Variants in SF3A3 observed in about 807,000 individuals in gnomAD.
SF3A3 encodes the protein SAP 61.
A neutral mutation model predicts 85.8 loss-of-function variants in SF3A3; 9 were observed. The observed-to-expected ratio is 0.10, with a 90% confidence interval of 0.06 to 0.18. The LOEUF is 0.18. SF3A3 is among the 10% of genes least tolerant of loss of function. SF3A3 has a pLI of 1.00. For synonymous variants in SF3A3, 195 were observed against 204.4 expected (o/e 0.95, Z 0.39); for missense variants, 306 against 593.3 (o/e 0.52, Z 5.03).
intron 1 of SF3A3, 81 bp from the exon 2 acceptor site, chr1:37,989,676 G>A (rs1335492894): frequency 5.9e-6 from 9 of 1,527,006 alleles, no homozygotes; most frequent in Middle Eastern, 1.8e-4. Context: ...GAGCTTACCC[G>A]CTCAGCTTTT....
chr1:37,986,437 C>A (rs1386620039), intron 4 of SF3A3, among the ~76,000 whole-genome samples: 1 of 152,174 alleles, frequency 6.6e-6, no homozygotes, highest in Non-Finnish European at 1.5e-5. Context: ...TAAGGCAACA[C>A]CACCTGGAGT....
rs570631596 is a variant in SF3A3 at position 37,976,930 on chromosome 1, A to G, written c.959T>C (p.Ile320Thr). 2.2e-5 allele frequency: 35 copies of G among 1,609,980 alleles called. No homozygotes were observed. In the South Asian group the frequency reaches 3.3e-4, roughly 15 times the overall value. The change falls in exon 12 of 17, where the codon ATT becomes ACT. Residue 320 changes from isoleucine to threonine, a missense_variant. By Grantham distance (89) the Ile-to-Thr change is moderately conservative. This residue lies in a region of SF3A3 where 136 missense variants were observed against 296.6 expected (regional missense o/e 0.46). Transcript: ENST00000373019. ...TKRDTERNKD[I>T]AFLEAQIYEY... ...ATAGATCTGGGCTTCTAGAAAAGCAATGTCTTTGTTCCTTTCAGTGTCTCT... is the reference window on the plus strand; with the variant it reads ...ATAGATCTGGGCTTCTAGAAAAGCAGTGTCTTTGTTCCTTTCAGTGTCTCT...
intron 15 of SF3A3, among the ~76,000 whole-genome samples, chr1:37,961,591 A>C (rs976392080): frequency 2.0e-5 from 3 of 151,280 alleles, no homozygotes; most frequent in Non-Finnish European, 2.9e-5. Flanking sequence ...TCTCAAAAAA[A>C]CAAAAAAAAA....
rs778522433 is a variant in SF3A3 at position 37,984,717 on chromosome 1, T to C, written c.366A>G (p.Glu122=). 2.5e-6 allele frequency: 4 copies of C among 1,613,030 alleles called. No individual in the cohort carries two copies. Among genetic ancestry groups the C allele is most frequent in the South Asian group, 1.1e-5 (1 of 91,064 alleles). Residue 122 remains glutamate, a synonymous_variant, in exon 5 of 17, where the codon GAA becomes GAG. Transcript: ENST00000373019. ...ELLKARENPS[E]EAQNLVEFTD... is the part of the protein sequence containing the mutation. Reference sequence around the variant, plus strand: ...TTCACCCCTACTTACTTTGTGCCTCTTCACTTGGATTCTCTCGAGCCTTCA... The same window carrying C: ...TTCACCCCTACTTACTTTGTGCCTCCTCACTTGGATTCTCTCGAGCCTTCA...
Position 37,987,608 on chromosome 1 carries a change from G to A in SF3A3, c.268C>T (p.Gln90Ter). 2 of 1,613,924 alleles carry A rather than the reference G, an allele frequency of 1.2e-6. No individual in the cohort carries two copies. Among genetic ancestry groups the A allele is most frequent in the Non-Finnish European group, 1.7e-6 (2 of 1,179,886 alleles). The change falls in exon 4 of 17, where the codon CAA becomes TAA. Residue 90 changes from glutamine (Q) to a stop codon, truncating the protein, a stop_gained. Transcript: ENST00000373019. LOFTEE classifies it high-confidence loss of function. Reference protein sequence around the residue: ...EFAEFYNRLKQIKEFHRKHPN... With the variant: ...EFAEFYNRLK ...TGCTTCCGGTGGAATTCCTTTATTT[G>A]CTTGAGTCTATTATAGAATTCAGCA...
chr1:37,986,584 G>A (rs1482264467), intron 4 of SF3A3, among the ~76,000 whole-genome samples: 2 of 152,004 alleles, frequency 1.3e-5, no homozygotes, highest in East Asian at 1.9e-4. Context: ...GGCCGAGGTG[G>A]GCGGATCACA....
chr1:37,980,818 A>T, intron 7 of SF3A3, 94 bp from the exon 8 acceptor site: 20 of 562,434 alleles, frequency 3.6e-5, no homozygotes, highest in Non-Finnish European at 5.1e-5. Context: ...TTATAATTCT[A>T]GTAATGCTAT....
intron 15 of SF3A3, among the ~76,000 whole-genome samples, chr1:37,964,280 G>A (rs755875331): frequency 1.3e-5 from 2 of 152,130 alleles, no homozygotes; most frequent in Non-Finnish European, 1.5e-5. Flanking sequence ...TACGTGATAA[G>A]TGTGATTTCA....
chr1:37,962,814 G>C (rs886875629), intron 15 of SF3A3, among the ~76,000 whole-genome samples: 1 of 151,328 alleles, frequency 6.6e-6, no homozygotes, highest in Non-Finnish European at 1.5e-5. Context: ...GGCCGGGTGC[G>C]GTGGCTCACG....
chr1:37,978,111 G>A (rs1263902136), intron 11 of SF3A3, among the ~76,000 whole-genome samples: 1 of 152,128 alleles, frequency 6.6e-6, no homozygotes, highest in Admixed American at 6.6e-5. Flanking sequence ...GCCAAGGCAG[G>A]TGGATCACTT....
rs193139302 is a variant in SF3A3, at chr1:37,975,473, G to A, written c.1005+1411C>T. ...GGAGGTTGCAGTGAGCTGAGATCCC[G>A]CCACTGCACTCCAGCCTGGGTGACA... On this transcript the variant is annotated intron_variant, in intron 12 of 16. Transcript: ENST00000373019. 5.9e-5 allele frequency among the ~76,000 whole-genome samples: 9 copies of A among 151,458 alleles called. No homozygotes were observed. The East Asian group carries it at 1.2e-3, about 20-fold the overall frequency.
At chr1:37,984,875 T>G in intron 4 of SF3A3, 96 bp from the exon 5 acceptor site, 1 of 985,222 alleles carries the variant, frequency 1.0e-6, no homozygotes, top group Non-Finnish European at 1.6e-6. Flanking sequence ...TGGCACAATC[T>G]TGGCTCACTG....
rs1200031323 is a variant in SF3A3, at chr1:37,957,144, C to T, written c.*1042G>A. 1 of 152,128 alleles carries T rather than the reference C, an allele frequency of 6.6e-6. No individual in the cohort carries two copies. The highest frequency in any genetic ancestry group is 6.6e-5 in the Admixed American group (1 of 15,252). 9.4% of individuals were successfully genotyped at this position (152,128 alleles called of 1,614,324 possible). Reference sequence around the variant, plus strand: ...CCTTAGTTCTTTCCATTTCAGACACCACATTTGGATCCTGGGGCAGCTGCT... The same window carrying T: ...CCTTAGTTCTTTCCATTTCAGACACTACATTTGGATCCTGGGGCAGCTGCT... On this transcript the variant is annotated 3_prime_UTR_variant, in exon 17 of 17. Transcript: ENST00000373019.
chr1:37,977,966 G>A (rs1284601626), intron 11 of SF3A3, among the ~76,000 whole-genome samples: 3 of 152,080 alleles, frequency 2.0e-5, no homozygotes, highest in African/African-American at 7.2e-5. Context: ...GCAGTGAGCC[G>A]AGATTGTGCC....
At chr1:37,961,098 G>A (rs146645679) in intron 15 of SF3A3, among the ~76,000 whole-genome samples, 36 of 152,254 alleles carry the variant, frequency 2.4e-4, no homozygotes, top group Middle Eastern at 3.4e-3. Flanking sequence ...TGATTCCTGC[G>A]TTTCCACCTT....
chr1:37,976,008 T>C (rs565909152), intron 12 of SF3A3, among the ~76,000 whole-genome samples: 2 of 152,084 alleles, frequency 1.3e-5, no homozygotes, highest in Admixed American at 1.3e-4. Flanking sequence ...TACAAAAAAC[T>C]AGTCGGGCGT....
intron 16 of SF3A3, among the ~76,000 whole-genome samples, chr1:37,959,287 C>T (rs994568253): frequency 1.3e-5 from 2 of 152,120 alleles, no homozygotes; most frequent in South Asian, 4.1e-4. Context: ...CCATGTTGCC[C>T]AGGCTGGTCT....
At chr1:37,987,486 G>T in intron 4 of SF3A3, 87 bp downstream of exon 4, 1 of 946,122 alleles carries the variant, frequency 1.1e-6, no homozygotes, top group Non-Finnish European at 1.7e-6. Flanking sequence ...AAGTGCATTT[G>T]AATAGCACAT....
chr1:37,969,343 G>A lies in SF3A3; in HGVS notation c.1281+11C>T, dbSNP rs749145460. The A allele has an allele frequency of 6.3e-7, 1 of 1,592,108 alleles. No individual in the cohort carries two copies. The highest frequency in any genetic ancestry group is 8.6e-7 in the Non-Finnish European group (1 of 1,161,888). On this transcript the variant is annotated intron_variant, in intron 14 of 16. Transcript: ENST00000373019. ...TTCAATTCCCAGGAAAAATGGCTCT[G>A]AATTCCTTACAGCAAAGTGTCGCTG...
Sources: allele counts gnomAD v4.1 joint callset (sites outside exome capture counted in the v4.1 genomes callset), GRCh38; gene constraint gnomAD v4.1.1; regional missense constraint gnomAD v4.1.1; transcripts MANE v1.5; gene names NCBI Gene and HGNC (gene_info 2026-07-23, HGNC 2026-07-21).